TNRC18: variants seen among roughly 807,000 people sequenced by gnomAD.
TNRC18 encodes trinucleotide repeat containing 18.
A neutral mutation model predicts 226.7 loss-of-function variants in TNRC18; 69 were observed. The ratio of observed to expected loss-of-function variants is 0.30; its 90% CI spans 0.25 to 0.37. The LOEUF is 0.37. Ranked by LOEUF, TNRC18 falls within the 10% of genes least tolerant of loss-of-function variation. TNRC18 has a pLI of 1.00. For synonymous variants in TNRC18, 2,449 were observed against 1,927.6 expected (o/e 1.27, Z -7.09); for missense variants, 4,754 against 4,256.6 (o/e 1.12, Z -3.25).
chr7:5,383,554 C>A (rs1027575948), intron 5 of TNRC18, among the ~76,000 whole-genome samples: 2 of 152,222 alleles, frequency 1.3e-5, no homozygotes, highest in African/African-American at 2.4e-5. Flanking sequence ...TGGACTTAAA[C>A]CCATTGACAA....
rs780378408 is a variant in TNRC18 at position 5,308,324 on chromosome 7, CG to C, written c.8701-13del. On this transcript the variant is annotated splice_polypyrimidine_tract_variant and intron_variant, in intron 29 of 29. Transcript: ENST00000430969. ...TGGTATAGCGCGCGCTGCGGGCACG[CG>C]GGGATATCAGGATGGCAGGTGGGGG... 6.2e-7 allele frequency: 1 copy of C among 1,602,746 alleles called. No individual in the cohort carries two copies. Among genetic ancestry groups the C allele is most frequent in the South Asian group, 1.1e-5 (1 of 89,190 alleles).
chr7:5,368,340 A>G (rs1221083003), intron 11 of TNRC18, among the ~76,000 whole-genome samples: 1 of 151,060 alleles, frequency 6.6e-6, no homozygotes, highest in East Asian at 1.9e-4. Flanking sequence ...AAAAACCCAC[A>G]GCTTTGAAAA....
chr7:5,335,944 C>T (rs1790060923), intron 18 of TNRC18, among the ~76,000 whole-genome samples: 1 of 151,222 alleles, frequency 6.6e-6, no homozygotes, highest in Non-Finnish European at 1.5e-5. Context: ...CAGTGGCTCA[C>T]ACCTATAATC....
At chr7:5,409,535 G>C (rs1000355655) in intron 2 of TNRC18, among the ~76,000 whole-genome samples, 1 of 151,676 alleles carries the variant, frequency 6.6e-6, no homozygotes, top group Non-Finnish European at 1.5e-5. Context: ...GTTGCAGTGA[G>C]CAGTGATTGC....
At chr7:5,333,078 A>G (rs759963797) in intron 18 of TNRC18, 29 bp from the exon 19 acceptor site, 2 of 1,548,248 alleles carry the variant, frequency 1.3e-6, no homozygotes, top group Non-Finnish European at 8.7e-7. Flanking sequence ...CGTGCTGGTC[A>G]CAGCCTCGTG....
In TNRC18 at chr7:5,311,778, G is replaced by A. The variant is rs1167811028; in HGVS notation, c.8388+725C>T. 6.6e-5 allele frequency among the ~76,000 whole-genome samples: 10 copies of A among 151,584 alleles called. No homozygotes were observed. The East Asian group carries it at 1.8e-3, about 27-fold the overall frequency. On this transcript the variant is annotated intron_variant, in intron 27 of 29. Transcript: ENST00000430969. Reference sequence around the variant, plus strand: ...AGCTGCAGTGAGCCACGATGGCACCGCTGCACTCCAGCCTGGGTGACGGAG... The same window carrying A: ...AGCTGCAGTGAGCCACGATGGCACCACTGCACTCCAGCCTGGGTGACGGAG...
intron 2 of TNRC18, chr7:5,407,269 G>A (rs893192362): frequency 3.3e-5 from 5 of 152,368 alleles, no homozygotes; most frequent in African/African-American, 7.2e-5. Context: ...TCTCCTCCAA[G>A]CTATGCTGGG....
intron 19 of TNRC18, among the ~76,000 whole-genome samples, chr7:5,328,712 A>T (rs1427335755): frequency 6.6e-6 from 1 of 151,594 alleles, no homozygotes; most frequent in African/African-American, 2.4e-5. Context: ...GGGTTTCACC[A>T]TATTGGCTAG....
chr7:5,417,234 A>C (rs979984931), intron 2 of TNRC18, among the ~76,000 whole-genome samples: 1 of 151,822 alleles, frequency 6.6e-6, no homozygotes, highest in Non-Finnish European at 1.5e-5. Context: ...TTGGGAGGCC[A>C]AGGCAGGAGG....
chr7:5,350,325 G>A (rs568266156), intron 17 of TNRC18, among the ~76,000 whole-genome samples: 312 of 151,870 alleles, frequency 2.1e-3, no homozygotes, highest in Middle Eastern at 3.4e-3. Flanking sequence ...CGTACTCCTC[G>A]CCATACCACC....
At chr7:5,330,807 G>A (rs552933787) in intron 19 of TNRC18, among the ~76,000 whole-genome samples, 1 of 152,194 alleles carries the variant, frequency 6.6e-6, no homozygotes, top group Non-Finnish European at 1.5e-5. Flanking sequence ...CTGAGTAGCT[G>A]GGATTACAGG....
chr7:5,346,144 CCA>C, intron 17 of TNRC18, among the ~76,000 whole-genome samples: 1 of 152,372 alleles, frequency 6.6e-6, no homozygotes, highest in South Asian at 2.1e-4. Flanking sequence ...ACAGCGTTCT[CCA>C]CAGTCACACG....
intron 2 of TNRC18, chr7:5,420,316 G>A (rs747623644): frequency 8.4e-5 from 38 of 451,744 alleles, no homozygotes; most frequent in Admixed American, 4.8e-4. Flanking sequence ...TGCCCGACCC[G>A]CTCTCTTCTT....
At chr7:5,338,375 C>T (rs926439233) in intron 18 of TNRC18, among the ~76,000 whole-genome samples, 5 of 152,086 alleles carry the variant, frequency 3.3e-5, no homozygotes, top group African/African-American at 1.2e-4. Context: ...AGAGAGCTGG[C>T]GTGGCTATAC....
At chr7:5,422,521 A>G (rs1306450058) in intron 1 of TNRC18, among the ~76,000 whole-genome samples, 2 of 152,024 alleles carry the variant, frequency 1.3e-5, no homozygotes, top group Non-Finnish European at 2.9e-5. Flanking sequence ...CCTTCCCTCG[A>G]TCTCTGTCTG....
chr7:5,316,012 G>C lies in TNRC18; in HGVS notation c.6806C>G (p.Thr2269Arg). 1 of 1,604,206 alleles carries C rather than the reference G, an allele frequency of 6.2e-7. No homozygotes were observed. Among genetic ancestry groups the C allele is most frequent in the Non-Finnish European group, 8.5e-7 (1 of 1,175,546 alleles). ...LITVEFDDGD[T>R]GRIPLSHIRL... ...GATATGTGAGAGGGGGATCCTGCCC[G>C]TGTCTCCGTCGTCAAACTCCACGGT... The change falls in exon 25 of 30, where the codon ACG (threonine) becomes AGG (arginine). Residue 2269 changes from threonine to arginine, a missense_variant. Thr to Arg is a moderately conservative substitution (Grantham distance 71, BLOSUM62 -1). Transcript: ENST00000430969.
intron 21 of TNRC18, among the ~76,000 whole-genome samples, chr7:5,323,565 A>C (rs1239896840): frequency 6.1e-5 from 2 of 32,644 alleles, no homozygotes; most frequent in Non-Finnish European, 1.3e-4. Flanking sequence ...GCAGCACCAG[A>C]CAGTTTTTTT....
chr7:5,348,652 G>A (rs1420339293), intron 17 of TNRC18, among the ~76,000 whole-genome samples: 1 of 150,636 alleles, frequency 6.6e-6, no homozygotes, highest in Non-Finnish European at 1.5e-5. Context: ...GGAGTAGAGG[G>A]AGGGAGGGAG....
chr7:5,405,739 G>A (rs1781422912), intron 2 of TNRC18, among the ~76,000 whole-genome samples: 1 of 152,048 alleles, frequency 6.6e-6, no homozygotes. Flanking sequence ...GCAAGACTCT[G>A]TCTCAAAAAC....
Sources: allele counts gnomAD v4.1 joint callset (sites outside exome capture counted in the v4.1 genomes callset), GRCh38; gene constraint gnomAD v4.1.1; transcripts MANE v1.5; gene names NCBI Gene and HGNC (gene_info 2026-07-23, HGNC 2026-07-21).